GABRA3: variants seen among roughly 807,000 people sequenced by gnomAD.
The protein encoded by GABRA3 is gamma-aminobutyric acid receptor subunit alpha-3.
Under a neutral mutation model 30.1 loss-of-function variants are expected in GABRA3, and 10 were observed. That is an observed-to-expected ratio of 0.33 (90% CI 0.20 to 0.56). The LOEUF (loss-of-function observed/expected upper bound fraction) is 0.56, where lower values mean the gene tolerates loss of function less well. GABRA3 is among the 20% of genes least tolerant of loss of function. The pLI is 0.89. For synonymous variants in GABRA3, 151 were observed against 146.8 expected, an observed-to-expected ratio of 1.03 and a Z score of -0.21; for missense variants, 233 against 392.0, an observed-to-expected ratio of 0.59 and a Z score of 3.42.
intron 3 of GABRA3, among the ~76,000 whole-genome samples, chrX:152,300,052 C>T (rs1939603173): frequency 8.9e-6 from 1 of 112,009 alleles, no homozygotes; most frequent in African/African-American, 3.2e-5. Context: ...TTTGAGGCCC[C>T]ACAAATAATA....
At chrX:152,182,683 C>CATATATAGTGTATATAT (rs1937189314) in intron 9 of GABRA3, among the ~76,000 whole-genome samples, 8 of 53,160 alleles carry the variant, frequency 1.5e-4, no homozygotes, top group East Asian at 6.0e-4. Flanking sequence ...ACTATATATA[C>CATATATAGTGTATATAT]ACTATATATG....
chrX:152,264,851 TATATC>T (rs748285837), intron 4 of GABRA3, among the ~76,000 whole-genome samples: 53 of 110,949 alleles, frequency 4.8e-4, no homozygotes, highest in African/African-American at 1.7e-3. Context: ...TAGCTACACT[TATATC>T]AGACAAAATA....
intron 1 of GABRA3, among the ~76,000 whole-genome samples, chrX:152,447,214 A>T (rs1338223527): frequency 9.0e-6 from 1 of 111,652 alleles, no homozygotes; most frequent in Admixed American, 9.5e-5. Flanking sequence ...ATAGGCACTT[A>T]GTAACCTTAT....
At chrX:152,173,564 A>G (rs1341944441) in intron 9 of GABRA3, among the ~76,000 whole-genome samples, 2 of 110,890 alleles carry the variant, frequency 1.8e-5, no homozygotes, top group African/African-American at 6.6e-5. Flanking sequence ...CTCTTGCCTC[A>G]GCCTCCTGAG....
intron 4 of GABRA3, among the ~76,000 whole-genome samples, chrX:152,270,331 C>T (rs1476401461): frequency 1.8e-5 from 2 of 111,693 alleles, no homozygotes; most frequent in African/African-American, 3.3e-5. Flanking sequence ...TCTGCCATTA[C>T]TGTACGTTTC....
chrX:152,291,883 G>T (rs987960093), intron 3 of GABRA3, among the ~76,000 whole-genome samples: 1 of 111,957 alleles, frequency 8.9e-6, no homozygotes, highest in Non-Finnish European at 1.9e-5. Flanking sequence ...TGGCGGATAA[G>T]CTTTTTGATG....
At chrX:152,404,940 C>T (rs778100275) in intron 1 of GABRA3, among the ~76,000 whole-genome samples, 4 of 108,195 alleles carry the variant, frequency 3.7e-5, no homozygotes, top group East Asian at 2.9e-4. Flanking sequence ...ACTGATCGTC[C>T]CCCTGCAAGG....
At chrX:152,241,993 C>G (rs927090903) in intron 5 of GABRA3, among the ~76,000 whole-genome samples, 1 of 111,812 alleles carries the variant, frequency 8.9e-6, no homozygotes, top group Non-Finnish European at 1.9e-5. Context: ...GAGCTGTAGA[C>G]CGGAGCTGTT....
At chrX:152,283,412 C>T (rs900261076) in intron 4 of GABRA3, among the ~76,000 whole-genome samples, 1 of 111,698 alleles carries the variant, frequency 9.0e-6, no homozygotes, top group Non-Finnish European at 1.9e-5. Context: ...GTTCAGACCT[C>T]TCCTTTACCC....
intron 6 of GABRA3, among the ~76,000 whole-genome samples, chrX:152,221,181 A>G (rs5970230): frequency 0.1 from 11,187 of 110,931 alleles, 1,152 homozygotes; most frequent in East Asian, 0.33. Flanking sequence ...ACCTTTTCCA[A>G]GATCATGGAG....
intron 1 of GABRA3, among the ~76,000 whole-genome samples, chrX:152,445,719 T>C (rs1018463104): frequency 6.3e-5 from 7 of 111,266 alleles, no homozygotes; most frequent in Non-Finnish European, 1.1e-4. Flanking sequence ...CTAAATATCT[T>C]AATGGATTCA....
rs749347947 is a variant in GABRA3, at chrX:152,199,285, G to C, written c.779-1500C>G. ...GGAGGCTGAGGCAGGAGAATGGCGT[G>C]AACCCAGGAGGCGGAGCTGGCAGTG... On this transcript the variant is annotated intron_variant, in intron 7 of 9. Coordinates refer to ENST00000370314, the MANE Select transcript of GABRA3 (RefSeq NM_000808.4). Among the ~76,000 whole-genome samples, 43 of 104,810 alleles carry C rather than the reference G, an allele frequency of 4.1e-4. 1 individual carries two copies. The highest frequency in any genetic ancestry group is 3.8e-3 in the Admixed American group (37 of 9,742). The allele number at this position is 104,810 out of a possible 115,157, so 91.0% of individuals were successfully genotyped here.
At chrX:152,427,849 G>T (rs1360911452) in intron 1 of GABRA3, among the ~76,000 whole-genome samples, 1 of 111,740 alleles carries the variant, frequency 8.9e-6, no homozygotes, top group Non-Finnish European at 1.9e-5. Context: ...TCTGAGTTCT[G>T]CAGAGATCAA....
At chrX:152,360,685 C>A (rs1928458257) in intron 2 of GABRA3, among the ~76,000 whole-genome samples, 1 of 49,364 alleles carries the variant, frequency 2.0e-5, no homozygotes, top group Non-Finnish European at 3.6e-5. Context: ...TACCCTAAAA[C>A]TTAGAGTATA....
At position 152,344,522 on chromosome X, in the gene GABRA3, G is replaced by A. The variant is rs191966035; in HGVS notation, c.262+1059C>T. 5.4e-5 allele frequency among the ~76,000 whole-genome samples: 6 copies of A among 111,779 alleles called. No individual in the cohort carries two copies. In the East Asian group the frequency reaches 1.7e-3, roughly 31 times the overall value. The stretch of plus-strand genomic sequence containing the variant: ...CACAGGGATAATCTATAGTTGTTAA[G>A]ACTATTGGGTGTAAGCTGGAAAAGG... On this transcript the variant is annotated intron_variant, in intron 3 of 9. Transcript: ENST00000370314.
chrX:152,209,380 T>C (rs1937609958), intron 6 of GABRA3, among the ~76,000 whole-genome samples: 1 of 111,401 alleles, frequency 9.0e-6, no homozygotes, highest in South Asian at 3.8e-4. Context: ...ATATCTAGGG[T>C]GAGTACTTGC....
chrX:152,296,923 T>C (rs1939540355), intron 3 of GABRA3, among the ~76,000 whole-genome samples: 1 of 110,740 alleles, frequency 9.0e-6, no homozygotes, highest in Non-Finnish European at 1.9e-5. Context: ...GGTATTGAAC[T>C]CCTGACCTCA....
At chrX:152,330,608 C>A (rs1940148740) in intron 3 of GABRA3, among the ~76,000 whole-genome samples, 1 of 108,688 alleles carries the variant, frequency 9.2e-6, no homozygotes, top group Non-Finnish European at 1.9e-5. Context: ...GACAGAAAAC[C>A]AAACACCGCA....
intron 5 of GABRA3, among the ~76,000 whole-genome samples, chrX:152,226,603 A>G (rs1311196194): frequency 4.5e-5 from 5 of 111,629 alleles, no homozygotes; most frequent in Admixed American, 3.8e-4. Context: ...GCAACCTACA[A>G]AAGGGGAGAA....
Sources: gnomAD v4.1 joint callset for allele counts (sites outside exome capture counted in the v4.1 genomes callset) on GRCh38, gnomAD v4.1.1 for gene constraint, MANE v1.5 for transcripts, NCBI Gene and HGNC (gene_info 2026-07-23, HGNC 2026-07-21) for gene names.